METAP1: variants seen among roughly 807,000 people sequenced by gnomAD.
The protein encoded by METAP1 is methionine aminopeptidase 1.
Under a neutral mutation model 53.8 loss-of-function variants are expected in METAP1, and 28 were observed. The ratio of observed to expected loss-of-function variants is 0.52; its 90% confidence interval spans 0.39 to 0.71. METAP1 has a LOEUF of 0.71. METAP1 is among the 30% of genes least tolerant of loss of function. METAP1 has a pLI of 0.00. For synonymous variants in METAP1, 181 were observed against 165.7 expected (o/e 1.09, Z -0.71); for missense variants, 389 against 479.8 (o/e 0.81, Z 1.77).
At chr4:99,052,127 T>G (rs1306690333) in intron 9 of METAP1, among the ~76,000 whole-genome samples, 1 of 152,230 alleles carries the variant, frequency 6.6e-6, no homozygotes, top group Non-Finnish European at 1.5e-5. Flanking sequence ...GTTTATACAG[T>G]AGTCTATTGT....
chr4:99,027,819 G>C (rs1320450123), intron 1 of METAP1, among the ~76,000 whole-genome samples: 1 of 152,176 alleles, frequency 6.6e-6, no homozygotes, highest in African/African-American at 2.4e-5. Flanking sequence ...GGGCTGTGGA[G>C]GCTACAGAAA....
At chr4:99,010,751 CT>C (rs1236476409) in intron 1 of METAP1, among the ~76,000 whole-genome samples, 1 of 152,122 alleles carries the variant, frequency 6.6e-6, no homozygotes. Context: ...CTGTAAACTG[CT>C]TTGGGTAATA....
In METAP1 at chr4:99,043,263, A is replaced by G. The variant is rs1726006381; in HGVS notation, c.531A>G (p.Arg177=). 1 of 1,590,310 alleles carries G rather than the reference A, an allele frequency of 6.3e-7. No individual in the cohort carries two copies. The highest frequency in any genetic ancestry group is 8.6e-7 in the Non-Finnish European group (1 of 1,163,594). ...CTGTATTATAGGCATGTATTGCAAG[A>G]AATTGCTACCCTTCTCCCCTGAATT... The part of the protein sequence containing the change: ...DHAVHLACIA[R]NCYPSPLNYY... Residue 177 remains arginine (R), a synonymous_variant, in exon 7 of 11, where the codon AGA becomes AGG. Coordinates refer to ENST00000296411, the MANE Select transcript of METAP1 (RefSeq NM_015143.3).
At chr4:99,058,400 A>G (rs951802983) in intron 10 of METAP1, among the ~76,000 whole-genome samples, 1 of 151,946 alleles carries the variant, frequency 6.6e-6, no homozygotes, top group African/African-American at 2.4e-5. Context: ...TCATATAGCT[A>G]TTGTGGGGAA....
intron 1 of METAP1, among the ~76,000 whole-genome samples, chr4:99,027,656 C>G (rs191802417): frequency 2.6e-5 from 4 of 152,012 alleles, no homozygotes; most frequent in African/African-American, 7.2e-5. Context: ...GCTTACCAGA[C>G]TAACCCAACC....
intron 1 of METAP1, among the ~76,000 whole-genome samples, chr4:99,018,844 C>G (rs116804308): frequency 3.3e-5 from 5 of 152,080 alleles, no homozygotes; most frequent in Non-Finnish European, 7.4e-5. Flanking sequence ...CCAGGGAGAT[C>G]GGGTATTACT....
chr4:99,047,165 G>A (rs1726328758), intron 8 of METAP1, among the ~76,000 whole-genome samples: 1 of 152,074 alleles, frequency 6.6e-6, no homozygotes, highest in Non-Finnish European at 1.5e-5. Flanking sequence ...AAAAGCTGTT[G>A]AAATTAGGCT....
Position 99,061,591 on chromosome 4 carries a change from G to A in METAP1, c.*274G>A. Reference sequence around the variant, plus strand: ...TGAGCACTTTTACTTAAACTTGCTTGTAGTTGCTTTTATCACTGCCGCAAA... The same window carrying A: ...TGAGCACTTTTACTTAAACTTGCTTATAGTTGCTTTTATCACTGCCGCAAA... On this transcript the variant is annotated 3_prime_UTR_variant, in exon 11 of 11. Transcript: ENST00000296411. The A allele has an allele frequency of 3.6e-6, 1 of 276,384 alleles. No individual in the cohort carries two copies. The highest frequency in any genetic ancestry group is 5.3e-5 in the Admixed American group (1 of 18,948). The allele number at this position is 276,384 out of a possible 1,614,324, so 17.1% of individuals were successfully genotyped here.
At chr4:99,013,197 G>A (rs1229461080) in intron 1 of METAP1, among the ~76,000 whole-genome samples, 1 of 151,932 alleles carries the variant, frequency 6.6e-6, no homozygotes, top group Non-Finnish European at 1.5e-5. Flanking sequence ...CTAAGACATT[G>A]TAGACTTCTT....
intron 1 of METAP1, among the ~76,000 whole-genome samples, chr4:99,010,585 G>T (rs576186970): frequency 6.6e-6 from 1 of 152,280 alleles, no homozygotes; most frequent in East Asian, 1.9e-4. Context: ...TGTAGCTCTG[G>T]TATGTTTTGA....
rs1723208196 is a variant in METAP1 at position 99,007,008 on chromosome 4, A to G, written c.114+11141A>G. Among the ~76,000 whole-genome samples the G allele has an allele frequency of 4.0e-5, 6 of 150,842 alleles. No individual in the cohort carries two copies. In the South Asian group the frequency reaches 1.3e-3, roughly 32 times the overall value. Reference sequence around the variant, plus strand: ...GGTCTCATTCTGTTGCCCAGGCTACAGTGCAGTGGTGTGATCATGGCTCAC... The same window carrying G: ...GGTCTCATTCTGTTGCCCAGGCTACGGTGCAGTGGTGTGATCATGGCTCAC... On this transcript the variant is annotated intron_variant, in intron 1 of 10. Coordinates refer to ENST00000296411, the MANE Select transcript of METAP1 (RefSeq NM_015143.3).
At chr4:99,058,101 G>T (rs1445935184) in intron 10 of METAP1, among the ~76,000 whole-genome samples, 2 of 152,100 alleles carry the variant, frequency 1.3e-5, no homozygotes, top group Admixed American at 6.6e-5. Flanking sequence ...ATAATGAGGT[G>T]CCCAGGTCAA....
intron 2 of METAP1, chr4:99,031,479 C>T: frequency 7.8e-7 from 1 of 1,285,394 alleles, no homozygotes; most frequent in Non-Finnish European, 1.0e-6. Context: ...TACCCATTCA[C>T]ACTAGTGTGC....
Position 99,061,441 on chromosome 4 carries a change from C to G in METAP1, c.*124C>G. Reference sequence around the variant, plus strand: ...TGTTTTGACTATAGATAAGAAAGGACTACAGCATTTGATGTGTGTCCTCAA... The same window carrying G: ...TGTTTTGACTATAGATAAGAAAGGAGTACAGCATTTGATGTGTGTCCTCAA... On this transcript the variant is annotated 3_prime_UTR_variant, in exon 11 of 11. Transcript: ENST00000296411. 1.1e-6 allele frequency: 1 copy of G among 889,522 alleles called. No individual in the cohort carries two copies. Among genetic ancestry groups the G allele is most frequent in the Non-Finnish European group, 1.7e-6 (1 of 604,772 alleles). 55.1% of individuals were successfully genotyped at this position (889,522 alleles called of 1,614,324 possible).
intron 7 of METAP1, among the ~76,000 whole-genome samples, chr4:99,044,211 A>T (rs1463340881): frequency 6.6e-6 from 1 of 152,188 alleles, no homozygotes; most frequent in Admixed American, 6.5e-5. Context: ...TACAGGCATG[A>T]GCCACCGTGC....
intron 9 of METAP1, among the ~76,000 whole-genome samples, chr4:99,050,107 AG>A (rs1285917957): frequency 6.6e-6 from 1 of 152,158 alleles, no homozygotes; most frequent in Middle Eastern, 3.2e-3. Flanking sequence ...AATTTGGTGC[AG>A]GGGGCGGTGG....
chr4:99,026,352 C>T (rs1234735335), intron 1 of METAP1: 2 of 985,146 alleles, frequency 2.0e-6, no homozygotes, highest in African/African-American at 1.7e-5. Flanking sequence ...TGCTGTTCAG[C>T]GAGTATTGAA....
intron 9 of METAP1, among the ~76,000 whole-genome samples, chr4:99,051,325 A>G (rs1448723459): frequency 6.6e-6 from 1 of 152,204 alleles, no homozygotes; most frequent in African/African-American, 2.4e-5. Context: ...TGAGTTTCCT[A>G]TTAAAGCATT....
intron 1 of METAP1, among the ~76,000 whole-genome samples, chr4:98,999,766 C>G (rs1411559066): frequency 6.6e-6 from 1 of 151,856 alleles, no homozygotes. Flanking sequence ...CTACCTCAGC[C>G]TCCCAAAGTG....
Sources: gnomAD v4.1 joint callset for allele counts (sites outside exome capture counted in the v4.1 genomes callset) on GRCh38, gnomAD v4.1.1 for gene constraint, MANE v1.5 for transcripts, NCBI Gene and HGNC (gene_info 2026-07-23, HGNC 2026-07-21) for gene names.